MAP7D2: variants seen among roughly 807,000 people sequenced by gnomAD.
MAP7D2 encodes MAP7 domain-containing protein 2.
A neutral mutation model predicts 63.5 loss-of-function variants in MAP7D2; 33 were observed. The ratio of observed to expected loss-of-function variants is 0.52; its 90% CI spans 0.39 to 0.70. The LOEUF (loss-of-function observed/expected upper bound fraction) is 0.70. Among genes scored for constraint, MAP7D2 ranks in the 30% least tolerant of loss-of-function variants. MAP7D2 has a pLI of 0.00. For synonymous variants in MAP7D2, 224 were observed against 223.7 expected (o/e 1.00, Z -0.01); for missense variants, 626 against 604.0 (o/e 1.04, Z -0.38).
chrX:20,012,607 A>C, intron 14 of MAP7D2, 72 bp from the exon 15 acceptor site: 5 of 902,981 alleles, frequency 5.5e-6, no homozygotes, highest in Non-Finnish European at 6.1e-6. Flanking sequence ...AATATAGATC[A>C]AGGCAATTAA....
chrX:20,052,179 T>C (rs1270811701), intron 5 of MAP7D2, among the ~76,000 whole-genome samples: 1 of 112,416 alleles, frequency 8.9e-6, no homozygotes, highest in Non-Finnish European at 1.9e-5. Flanking sequence ...AGAATAAACA[T>C]TTAGTGCATG....
intron 4 of MAP7D2, among the ~76,000 whole-genome samples, chrX:20,054,640 G>A (rs2065028383): frequency 9.1e-6 from 1 of 110,062 alleles, no homozygotes; most frequent in African/African-American, 3.3e-5. Context: ...AGGCTGGAGG[G>A]CACTGGTACG....
intron 1 of MAP7D2, among the ~76,000 whole-genome samples, chrX:20,094,534 A>G (rs5909353): frequency 0.012 from 118 of 9,551 alleles, 1 homozygote; most frequent in Non-Finnish European, 0.015. Context: ...ATATATATAT[A>G]TATATATGTA....
chrX:20,011,332 A>C (rs2073194233), intron 15 of MAP7D2, among the ~76,000 whole-genome samples: 1 of 111,204 alleles, frequency 9.0e-6, no homozygotes, highest in Admixed American at 9.6e-5. Flanking sequence ...AAGGACAAAA[A>C]CCCACAGGCA....
intron 16 of MAP7D2, among the ~76,000 whole-genome samples, chrX:20,009,663 CAAAAAAA>C (rs35018861): frequency 0.014 from 244 of 17,719 alleles, 1 homozygote; most frequent in Non-Finnish European, 0.019. Flanking sequence ...GATTCCATCT[CAAAAAAA>C]AAAAAAAAAA....
At chrX:20,096,429 CAAAAAAAAAAA>C (rs775218484) in intron 1 of MAP7D2, among the ~76,000 whole-genome samples, 1 of 40,117 alleles carries the variant, frequency 2.5e-5, no homozygotes, top group Non-Finnish European at 4.6e-5. Context: ...GACCTTGTCT[CAAAAAAAAAAA>C]AAAAAAAAGA....
At chrX:20,104,673 T>G (rs761437597) in intron 1 of MAP7D2, among the ~76,000 whole-genome samples, 7 of 112,160 alleles carry the variant, frequency 6.2e-5, no homozygotes, top group African/African-American at 2.3e-4. Flanking sequence ...ATATTGATTA[T>G]CTAGCTAATG....
intron 1 of MAP7D2, among the ~76,000 whole-genome samples, chrX:20,107,532 C>T (rs1237444354): frequency 9.0e-6 from 1 of 111,162 alleles, no homozygotes; most frequent in Non-Finnish European, 1.9e-5. Flanking sequence ...GATCACGCCA[C>T]CGCACTCCAG....
At chrX:20,055,717 G>A in intron 4 of MAP7D2, 1 of 930,398 alleles carries the variant, frequency 1.1e-6, no homozygotes, top group Non-Finnish European at 1.4e-6. Flanking sequence ...CTATGGCACA[G>A]TGATGCTCGG....
chrX:20,116,705 G>A, intron 1 of MAP7D2, 45 bp downstream of exon 1: 1 of 1,123,576 alleles, frequency 8.9e-7, no homozygotes, highest in Non-Finnish European at 1.2e-6. Context: ...CCCCCCCACA[G>A]GAACCCGAAG....
rs2065977527 is a variant in MAP7D2, at chrX:20,088,478, T to TTTG, written c.131-23674_131-23673insCAA. On this transcript the variant is annotated intron_variant, in intron 1 of 16. Transcript: ENST00000379643. ...CCCAGCTAATTTTCAGTTTTTTTTTTTTTTTTTTTTTTTTTTTTTTTTTTT... is the reference window on the plus strand; with the variant it reads ...CCCAGCTAATTTTCAGTTTTTTTTTTTTGTTTTTTTTTTTTTTTTTTTTTTTTT... 2.5e-4 allele frequency among the ~76,000 whole-genome samples: 7 copies of TTTG among 28,528 alleles called. 1 individual carries two copies. The African/African-American group carries it at 5.5e-3, about 22-fold the overall frequency. 24.8% of individuals were successfully genotyped at this position (28,528 alleles called of 115,157 possible). A position where few individuals can be genotyped will look rare whatever the true frequency, so the allele number is the denominator to read the frequency against.
chrX:20,013,144 T>A lies in MAP7D2; in HGVS notation c.1807-12A>T. On this transcript the variant is annotated splice_polypyrimidine_tract_variant and intron_variant, in intron 13 of 16. Coordinates refer to ENST00000379643, the MANE Select transcript of MAP7D2 (RefSeq NM_001168465.2). ...TTGGGGTCTTCTTTCTGAAAACAAA[T>A]GGAAGGTGAATGAAATGAGGGAAGG... is the stretch of plus-strand genomic sequence containing the variant. The A allele has an allele frequency of 8.5e-7, 1 of 1,171,545 alleles. No individual in the cohort carries two copies. Among genetic ancestry groups the A allele is most frequent in the Non-Finnish European group, 1.2e-6 (1 of 861,670 alleles).
chrX:20,031,535 G>A lies in MAP7D2; in HGVS notation c.1008-5583C>T, dbSNP rs947955836. Among the ~76,000 whole-genome samples, 3 of 110,283 alleles carry A rather than the reference G, an allele frequency of 2.7e-5. No homozygotes were observed. In the Admixed American group the frequency reaches 2.9e-4, roughly 11 times the overall value. Reference sequence around the variant, plus strand: ...ACTCCCAGTACAAAGGAGAGGGCGAGGCAGGCAGATCACTTGAGGTCAGGA... The same window carrying A: ...ACTCCCAGTACAAAGGAGAGGGCGAAGCAGGCAGATCACTTGAGGTCAGGA... On this transcript the variant is annotated intron_variant, in intron 8 of 16. Transcript: ENST00000379643.
chrX:20,007,087 G>A lies in MAP7D2; in HGVS notation c.*1338C>T, dbSNP rs1357414921. 1.8e-5 allele frequency: 2 copies of A among 112,022 alleles called. No homozygotes were observed. The highest frequency in any genetic ancestry group is 3.8e-5 in the Non-Finnish European group (2 of 53,246). The allele number at this position is 112,022 out of a possible 1,213,427, so 9.2% of individuals were successfully genotyped here. ...TAAAGGGACTTGGCCAGTATTTGCC[G>A]AGATGGACAGCACCGCATTATGTGG... On this transcript the variant is annotated 3_prime_UTR_variant, in exon 17 of 17. Transcript: ENST00000379643.
chrX:20,020,126 C>T (rs765309158), intron 10 of MAP7D2, among the ~76,000 whole-genome samples: 1 of 111,839 alleles, frequency 8.9e-6, no homozygotes, highest in Non-Finnish European at 1.9e-5. Context: ...CTTAAACTCT[C>T]CTCTATGACA....
rs779500117 is a variant in MAP7D2 at position 20,111,601 on chromosome X, G to A, written c.130+5149C>T. 1.1e-4 allele frequency among the ~76,000 whole-genome samples: 12 copies of A among 111,441 alleles called. No individual in the cohort carries two copies. In the South Asian group the frequency reaches 4.2e-3, roughly 39 times the overall value. On this transcript the variant is annotated intron_variant, in intron 1 of 16. Coordinates refer to ENST00000379643, the MANE Select transcript of MAP7D2 (RefSeq NM_001168465.2). ...GACAGATGGGTAGTTGTGAGGCCGGGGGAATGAAGAATGTCAGTGAGTATG... is the reference window on the plus strand; with the variant it reads ...GACAGATGGGTAGTTGTGAGGCCGGAGGAATGAAGAATGTCAGTGAGTATG...
intron 1 of MAP7D2, among the ~76,000 whole-genome samples, chrX:20,115,201 C>T (rs748077856): frequency 1.2e-4 from 12 of 102,675 alleles, no homozygotes; most frequent in African/African-American, 3.6e-4. Flanking sequence ...ATCTCCCCCG[C>T]AAAAGTACCT....
chrX:20,110,202 G>A (rs986202792), intron 1 of MAP7D2, among the ~76,000 whole-genome samples: 2 of 107,771 alleles, frequency 1.9e-5, no homozygotes, highest in Non-Finnish European at 3.8e-5. Flanking sequence ...AAAGTGTAAG[G>A]GAGGGAGGGG....
At chrX:20,029,151 C>T (rs947697319) in intron 8 of MAP7D2, among the ~76,000 whole-genome samples, 3 of 112,371 alleles carry the variant, frequency 2.7e-5, no homozygotes, top group Non-Finnish European at 5.6e-5. Context: ...CTTCGGGGGT[C>T]CCTGAAGTGT....
Sources: gnomAD v4.1 joint callset for allele counts (sites outside exome capture counted in the v4.1 genomes callset) on GRCh38, gnomAD v4.1.1 for gene constraint, MANE v1.5 for transcripts, NCBI Gene and HGNC (gene_info 2026-07-23, HGNC 2026-07-21) for gene names.